SNTG1: variants seen among roughly 807,000 people sequenced by gnomAD.
SNTG1 encodes the protein syntrophin gamma 1.
SNTG1 carries 39 observed loss-of-function variants against 74.7 expected under a neutral mutation model. That is an observed-to-expected ratio of 0.52 (90% CI 0.40 to 0.68). The LOEUF (loss-of-function observed/expected upper bound fraction) is 0.68. Among genes scored for constraint, SNTG1 ranks in the 30% least tolerant of loss-of-function variants. The pLI, the probability that SNTG1 is intolerant of heterozygous loss-of-function variation, is 0.00. For synonymous variants in SNTG1, 254 were observed against 217.1 expected (o/e 1.17, Z -1.49); for missense variants, 685 against 609.5 (o/e 1.12, Z -1.30).
chr8:50,276,929 C>T (rs532685533), intron 2 of SNTG1, among the ~76,000 whole-genome samples: 2 of 152,030 alleles, frequency 1.3e-5, no homozygotes, highest in South Asian at 4.2e-4. Flanking sequence ...GCTCCGCCTC[C>T]CACCATTCTC....
intron 13 of SNTG1, among the ~76,000 whole-genome samples, chr8:50,606,055 G>A (rs1421793820): frequency 1.3e-5 from 2 of 152,086 alleles, no homozygotes; most frequent in Non-Finnish European, 2.9e-5. Flanking sequence ...TTGCATTGGT[G>A]TTCATCATAG....
intron 2 of SNTG1, among the ~76,000 whole-genome samples, chr8:50,349,957 T>C (rs1259701964): frequency 2.6e-5 from 4 of 152,106 alleles, no homozygotes; most frequent in African/African-American, 9.7e-5. Flanking sequence ...CACCGCGTGC[T>C]TATGGGCCAG....
intron 11 of SNTG1, among the ~76,000 whole-genome samples, chr8:50,541,258 TGTGTGTGTGTGTGTGTGTGC>T (rs1372660653): frequency 6.6e-6 from 1 of 151,778 alleles, no homozygotes; most frequent in East Asian, 1.9e-4. Context: ...TGTGTGTGTG[TGTGTGTGTGTGTGTGTGTGC>T]ATGTTTATTT....
Position 49,928,614 on chromosome 8 carries a change from C to T in SNTG1, c.-103+16383C>T, listed in dbSNP as rs567126735. Among the ~76,000 whole-genome samples the T allele has an allele frequency of 3.3e-5, 5 of 152,116 alleles. No individual in the cohort carries two copies. The East Asian group carries it at 7.7e-4, about 24-fold the overall frequency. ...GTAGGCTAGGTTGTGGGTGTGGCAG[C>T]GCAGGAGCTATACAGGAACTCTCTG... On this transcript the variant is annotated intron_variant, in intron 1 of 18. Transcript: ENST00000642720.
At chr8:50,753,837 G>A (rs919442013) in intron 18 of SNTG1, among the ~76,000 whole-genome samples, 1 of 151,872 alleles carries the variant, frequency 6.6e-6, no homozygotes, top group Non-Finnish European at 1.5e-5. Context: ...GACATTTGGT[G>A]AGTTGTTGAA....
At chr8:50,778,435 G>T (rs377757109) in intron 18 of SNTG1, among the ~76,000 whole-genome samples, 2 of 151,826 alleles carry the variant, frequency 1.3e-5, no homozygotes, top group East Asian at 1.9e-4. Context: ...GTTTTGATTT[G>T]CATTTCTCTG....
At position 50,588,354 on chromosome 8, in the gene SNTG1, C is replaced by G. The variant is rs112644612; in HGVS notation, c.811-2525C>G. Among the ~76,000 whole-genome samples, 5 of 152,044 alleles carry G rather than the reference C, an allele frequency of 3.3e-5. No individual in the cohort carries two copies. In the South Asian group the frequency reaches 6.2e-4, roughly 19 times the overall value. On this transcript the variant is annotated intron_variant, in intron 12 of 18. Coordinates refer to ENST00000642720, the MANE Select transcript of SNTG1 (RefSeq NM_018967.5). ...CAACACCAGGAAAAATTTCTGAATA[C>G]AATGGAAGCACATTTCTTGCTGCCA...
chr8:50,326,593 C>T (rs1364520130), intron 2 of SNTG1, among the ~76,000 whole-genome samples: 1 of 150,644 alleles, frequency 6.6e-6, no homozygotes, highest in Non-Finnish European at 1.5e-5. Context: ...TTTTTTTATT[C>T]CTAGTTAGCC....
chr8:50,466,329 T>G (rs1036176717), intron 8 of SNTG1, among the ~76,000 whole-genome samples: 3 of 152,100 alleles, frequency 2.0e-5, no homozygotes, highest in African/African-American at 7.2e-5. Context: ...GAATTGCCAT[T>G]GCTTCTTTGT....
intron 1 of SNTG1, among the ~76,000 whole-genome samples, chr8:50,112,901 G>T (rs1187266823): frequency 6.6e-6 from 1 of 152,086 alleles, no homozygotes; most frequent in South Asian, 2.1e-4. Flanking sequence ...TCAGATAGTT[G>T]TAAATGTGGG....
intron 1 of SNTG1, among the ~76,000 whole-genome samples, chr8:50,127,030 T>C (rs866014581): frequency 1.6e-4 from 25 of 152,064 alleles, no homozygotes; most frequent in African/African-American, 6.0e-4. Context: ...GGGATAAAAA[T>C]ATAAAGTCTC....
chr8:50,073,149 T>C (rs1231462282), intron 1 of SNTG1, among the ~76,000 whole-genome samples: 1 of 152,204 alleles, frequency 6.6e-6, no homozygotes, highest in Non-Finnish European at 1.5e-5. Context: ...CACTTTACCA[T>C]CAGCAGAACT....
At chr8:50,493,696 A>C (rs964077049) in intron 8 of SNTG1, among the ~76,000 whole-genome samples, 4 of 151,360 alleles carry the variant, frequency 2.6e-5, no homozygotes, top group African/African-American at 9.7e-5. Context: ...TAAGTGTATA[A>C]TTTTTAAAAA....
intron 1 of SNTG1, among the ~76,000 whole-genome samples, chr8:50,135,476 G>T (rs2081442417): frequency 6.6e-6 from 1 of 152,052 alleles, no homozygotes. Context: ...AGATAATATT[G>T]TTGATAGCTA....
intron 4 of SNTG1, among the ~76,000 whole-genome samples, chr8:50,405,574 A>C (rs1292998582): frequency 6.6e-6 from 1 of 152,014 alleles, no homozygotes; most frequent in Non-Finnish European, 1.5e-5. Context: ...TGTGATTTGC[A>C]ATATTTTCTC....
intron 3 of SNTG1, among the ~76,000 whole-genome samples, chr8:50,395,776 G>A (rs1185302639): frequency 8.5e-5 from 13 of 152,182 alleles, no homozygotes; most frequent in Admixed American, 8.5e-4. Flanking sequence ...CTCCCAAAGT[G>A]CTGGGATTAC....
intron 2 of SNTG1, among the ~76,000 whole-genome samples, chr8:50,352,636 C>G (rs929528085): frequency 6.6e-6 from 1 of 152,132 alleles, no homozygotes; most frequent in African/African-American, 2.4e-5. Context: ...GGTGATCCAC[C>G]CGCCTCAGCT....
chr8:50,358,034 A>G (rs2091865448), intron 2 of SNTG1, among the ~76,000 whole-genome samples: 1 of 152,076 alleles, frequency 6.6e-6, no homozygotes, highest in Admixed American at 6.6e-5. Context: ...CTTATCCATA[A>G]AGTCCCTTTC....
At chr8:50,462,028 C>A (rs751180957) in intron 8 of SNTG1, among the ~76,000 whole-genome samples, 7 of 151,986 alleles carry the variant, frequency 4.6e-5, no homozygotes, top group Non-Finnish European at 7.4e-5. Flanking sequence ...AGTAAAAGAC[C>A]ACATATTCGG....
Sources: allele counts gnomAD v4.1 joint callset (sites outside exome capture counted in the v4.1 genomes callset), GRCh38; gene constraint gnomAD v4.1.1; transcripts MANE v1.5; gene names NCBI Gene and HGNC (gene_info 2026-07-23, HGNC 2026-07-21).